The following GRAMD4 variants were observed in gnomAD, a reference collection of about 807,000 sequenced individuals.
The protein encoded by GRAMD4 is GRAM domain containing 4, also known as GRAM domain-containing protein 4.
In GRAMD4, 25 loss-of-function variants were observed where a neutral mutation model predicts 83.9. The observed-to-expected ratio is 0.30, with a 90% CI of 0.22 to 0.42. The LOEUF is 0.42. GRAMD4 is among the 10% of genes least tolerant of loss of function. The pLI is 1.00. For synonymous variants in GRAMD4, 336 were observed against 320.9 expected, an observed-to-expected ratio of 1.05 and a Z score of -0.50; for missense variants, 593 against 788.7, an observed-to-expected ratio of 0.75 and a Z score of 2.97.
chr22:46,657,293 G>A (rs533904162), intron 3 of GRAMD4, among the ~76,000 whole-genome samples: 2 of 152,356 alleles, frequency 1.3e-5, no homozygotes, highest in South Asian at 2.1e-4. Flanking sequence ...TTCTTCATGC[G>A]TGGAGCCTGT....
chr22:46,603,867 C>A (rs538871247), intron 1 of GRAMD4, among the ~76,000 whole-genome samples: 1 of 152,194 alleles, frequency 6.6e-6, no homozygotes, highest in Non-Finnish European at 1.5e-5. Flanking sequence ...AGACCTCGTC[C>A]AGTCCCAGGG....
chr22:46,674,603 C>A, intron 15 of GRAMD4, 54 bp from the exon 16 acceptor site: 2 of 1,227,556 alleles, frequency 1.6e-6, no homozygotes, highest in Non-Finnish European at 2.4e-6. Flanking sequence ...AGCGTCAGGT[C>A]AGAGGCTGGG....
intron 3 of GRAMD4, among the ~76,000 whole-genome samples, chr22:46,656,908 AGGCCACAGCCAGCCCTCAGCCACCATG>A (rs2082252371): frequency 2.6e-5 from 4 of 152,206 alleles, no homozygotes; most frequent in South Asian, 4.1e-4. Context: ...CAGCCACCAT[AGGCCACAGCCAGCCCTCAGCCACCATG>A]GGCCACAGCC....
intron 5 of GRAMD4, among the ~76,000 whole-genome samples, 156 bp downstream of exon 5, chr22:46,661,598 T>A (rs1467320493): frequency 6.6e-6 from 1 of 152,254 alleles, no homozygotes; most frequent in African/African-American, 2.4e-5. Context: ...AGGCACCTGC[T>A]GGCATCCGGG....
At chr22:46,589,066 G>A (rs1302069118) in intron 1 of GRAMD4, among the ~76,000 whole-genome samples, 1 of 152,106 alleles carries the variant, frequency 6.6e-6, no homozygotes, top group Non-Finnish European at 1.5e-5. Context: ...AGTACTGATG[G>A]GAGAAGCAGG....
chr22:46,605,773 AGC>A (rs2081359342), intron 1 of GRAMD4, among the ~76,000 whole-genome samples: 1 of 145,822 alleles, frequency 6.9e-6, no homozygotes, highest in Non-Finnish European at 1.5e-5. Flanking sequence ...GCCGGTGCTG[AGC>A]ATCTCTGCAT....
At chr22:46,644,531 C>T (rs1260967798) in intron 3 of GRAMD4, among the ~76,000 whole-genome samples, 1 of 151,898 alleles carries the variant, frequency 6.6e-6, no homozygotes, top group African/African-American at 2.4e-5. Context: ...CCGTGTTACA[C>T]CTGTCCCTGT....
chr22:46,579,696 C>T (rs371889012), intron 1 of GRAMD4, among the ~76,000 whole-genome samples: 2 of 152,192 alleles, frequency 1.3e-5, no homozygotes. Context: ...CCCCTTCCAT[C>T]TCCCCATGTT....
At chr22:46,632,846 C>T (rs1176053701) in intron 2 of GRAMD4, among the ~76,000 whole-genome samples, 1 of 152,216 alleles carries the variant, frequency 6.6e-6, no homozygotes, top group African/African-American at 2.4e-5. Context: ...GTCACCCGCA[C>T]GACGCTGCCT....
intron 1 of GRAMD4, among the ~76,000 whole-genome samples, chr22:46,614,636 T>C (rs1227551706): frequency 6.6e-6 from 1 of 152,248 alleles, no homozygotes; most frequent in African/African-American, 2.4e-5. Context: ...CACAAATTCA[T>C]GAAAGCATTC....
chr22:46,650,497 C>G lies in GRAMD4; in HGVS notation c.284-7690C>G, dbSNP rs73176519. The stretch of plus-strand genomic sequence containing the variant: ...AGTCTGGGCCTGTGTAGGCCTGAGC[C>G]GATGCATCTCCTTTGCCTCCCCTCA... On this transcript the variant is annotated intron_variant, in intron 3 of 18. Coordinates refer to ENST00000406902, the MANE Select transcript of GRAMD4 (RefSeq NM_015124.5). 1.3e-3 allele frequency among the ~76,000 whole-genome samples: 198 copies of G among 152,198 alleles called. 1 individual carries two copies. Among genetic ancestry groups the G allele is most frequent in the African/African-American group, 4.5e-3 (188 of 41,548 alleles).
intron 1 of GRAMD4, among the ~76,000 whole-genome samples, chr22:46,625,707 C>T (rs2147160157): frequency 6.6e-6 from 1 of 152,370 alleles, no homozygotes. Context: ...GGCCATGGAG[C>T]TGCGTGATGG....
intron 7 of GRAMD4, 38 bp from the exon 8 acceptor site, chr22:46,663,988 C>T (rs781163373): frequency 6.4e-7 from 1 of 1,572,744 alleles, no homozygotes; most frequent in Admixed American, 1.7e-5. Context: ...CGGCCTCCTA[C>T]CCACAGTGCT....
chr22:46,676,857 G>C (rs557119227), intron 18 of GRAMD4, among the ~76,000 whole-genome samples, 189 bp downstream of exon 18: 3 of 152,288 alleles, frequency 2.0e-5, no homozygotes, highest in African/African-American at 7.2e-5. Context: ...AATCTTGCTG[G>C]GGCCATCGAG....
intron 1 of GRAMD4, among the ~76,000 whole-genome samples, chr22:46,596,538 G>A (rs964173464): frequency 6.6e-6 from 1 of 152,166 alleles, no homozygotes; most frequent in Middle Eastern, 3.2e-3. Context: ...TTAGAGATTA[G>A]CCTTTTTTAT....
chr22:46,663,615 G>A (rs967094280), intron 6 of GRAMD4, among the ~76,000 whole-genome samples: 2 of 152,220 alleles, frequency 1.3e-5, no homozygotes, highest in Non-Finnish European at 2.9e-5. Flanking sequence ...TTTCATTGGC[G>A]AGTCGCCCCT....
chr22:46,600,684 A>G (rs2081304165), intron 1 of GRAMD4, among the ~76,000 whole-genome samples: 1 of 152,228 alleles, frequency 6.6e-6, no homozygotes, highest in Admixed American at 6.5e-5. Context: ...TACAGCCTCA[A>G]GCGATGGAGG....
intron 1 of GRAMD4, among the ~76,000 whole-genome samples, chr22:46,605,592 C>T (rs2081357007): frequency 2.0e-5 from 3 of 152,284 alleles, no homozygotes; most frequent in African/African-American, 4.8e-5. Flanking sequence ...TCCGGTTTCT[C>T]CCCATTCTCG....
intron 3 of GRAMD4, among the ~76,000 whole-genome samples, chr22:46,646,198 C>T (rs553753852): frequency 9.6e-4 from 147 of 152,332 alleles, no homozygotes; most frequent in African/African-American, 3.5e-3. Flanking sequence ...ACCCTCGTAG[C>T]GCCAGACACG....
Sources: allele counts gnomAD v4.1 joint callset (sites outside exome capture counted in the v4.1 genomes callset), GRCh38; gene constraint gnomAD v4.1.1; transcripts MANE v1.5; gene names NCBI Gene and HGNC (gene_info 2026-07-23, HGNC 2026-07-21).